COBL: variants seen among roughly 807,000 people sequenced by gnomAD.
The protein encoded by COBL is cordon-bleu WH2 repeat protein, also known as protein cordon-bleu.
COBL carries 51 observed loss-of-function variants against 98.8 expected under a neutral mutation model. The ratio of observed to expected loss-of-function variants is 0.52; its 90% CI spans 0.41 to 0.65. The LOEUF is 0.65. Among genes scored for constraint, COBL ranks in the 30% least tolerant of loss-of-function variants. The pLI is 0.00. For synonymous variants in COBL, 634 were observed against 651.7 expected (o/e 0.97, Z 0.41); for missense variants, 1,617 against 1,617.5 (o/e 1.00, Z 0.01).
intron 2 of COBL, among the ~76,000 whole-genome samples, chr7:51,195,741 A>G (rs1445626598): frequency 6.6e-6 from 1 of 151,998 alleles, no homozygotes; most frequent in Non-Finnish European, 1.5e-5. Flanking sequence ...TAGGTATTTT[A>G]TAATTTTTTT....
chr7:51,188,056 G>C, intron 4 of COBL: 1 of 990,084 alleles, frequency 1.0e-6, no homozygotes, highest in Non-Finnish European at 1.3e-6. Context: ...GAGGGGGGCT[G>C]TCCTGCTGCA....
intron 7 of COBL, among the ~76,000 whole-genome samples, chr7:51,044,225 C>G (rs1789476412): frequency 6.6e-6 from 1 of 152,088 alleles, no homozygotes. Context: ...ACATGTGAGG[C>G]CAGTTTCTGT....
At chr7:51,089,767 A>G (rs1440973124) in intron 6 of COBL, among the ~76,000 whole-genome samples, 1 of 152,186 alleles carries the variant, frequency 6.6e-6, no homozygotes, top group Non-Finnish European at 1.5e-5. Context: ...ACATATCTAT[A>G]GTGAAATAAT....
rs765978718 is a variant in COBL, at chr7:51,083,077, G to T, written c.1096+2089C>A. The T allele has an allele frequency of 2.6e-6, 4 of 1,536,076 alleles. No individual in the cohort carries two copies. In the African/African-American group the frequency reaches 5.5e-5, roughly 21 times the overall value. ...ACATACGTTTGGGTATCGGGTCTGAGGCCTCGGAACCAGCGCCTTCCCCGG... is the reference window on the plus strand; with the variant it reads ...ACATACGTTTGGGTATCGGGTCTGATGCCTCGGAACCAGCGCCTTCCCCGG... On this transcript the variant is annotated intron_variant, in intron 7 of 12. Transcript: ENST00000265136.
At chr7:51,274,993 A>G (rs1300521172) in intron 1 of COBL, among the ~76,000 whole-genome samples, 1 of 152,248 alleles carries the variant, frequency 6.6e-6, no homozygotes, top group Non-Finnish European at 1.5e-5. Context: ...AAATTAAAAT[A>G]CAAATCATCT....
At chr7:51,225,562 T>G (rs1794102062) in intron 1 of COBL, among the ~76,000 whole-genome samples, 1 of 152,238 alleles carries the variant, frequency 6.6e-6, no homozygotes, top group Non-Finnish European at 1.5e-5. Flanking sequence ...AAGCTTCCTT[T>G]GATCTATTCA....
At chr7:51,071,373 T>A (rs1239298454) in intron 7 of COBL, 1 of 152,192 alleles carries the variant, frequency 6.6e-6, no homozygotes, top group Non-Finnish European at 1.5e-5. Flanking sequence ...CTACAAAACT[T>A]GTTCATCAAA....
At chr7:51,083,121 C>T (rs1793836837) in intron 7 of COBL, 1 of 1,532,494 alleles carries the variant, frequency 6.5e-7, no homozygotes, top group South Asian at 1.2e-5. Flanking sequence ...AGAGGCTCCA[C>T]CACGTCTGTG....
chr7:51,205,646 T>TG (rs1791612466), intron 2 of COBL, among the ~76,000 whole-genome samples: 2 of 107,092 alleles, frequency 1.9e-5, no homozygotes, highest in Non-Finnish European at 4.5e-5. Flanking sequence ...TTTGGTTTTT[T>TG]GTTTTTTTTT....
At chr7:51,074,064 G>A (rs924586801) in intron 7 of COBL, among the ~76,000 whole-genome samples, 1 of 152,042 alleles carries the variant, frequency 6.6e-6, no homozygotes, top group Non-Finnish European at 1.5e-5. Context: ...AAATAAAGAA[G>A]GGCCATGCCT....
intron 5 of COBL, among the ~76,000 whole-genome samples, chr7:51,140,688 T>A (rs143247053): frequency 2.0e-5 from 3 of 152,174 alleles, no homozygotes; most frequent in Non-Finnish European, 4.4e-5. Flanking sequence ...GCTATGCAGA[T>A]CTAGCACCAG....
intron 5 of COBL, among the ~76,000 whole-genome samples, chr7:51,180,303 G>A (rs1788810382): frequency 6.6e-6 from 1 of 152,208 alleles, no homozygotes; most frequent in Non-Finnish European, 1.5e-5. Context: ...TTACAAGGTT[G>A]CTGACCTTGC....
intron 1 of COBL, among the ~76,000 whole-genome samples, chr7:51,297,674 T>C (rs1328594735): frequency 6.6e-6 from 1 of 152,162 alleles, no homozygotes; most frequent in Non-Finnish European, 1.5e-5. Flanking sequence ...ATTACAGGCT[T>C]GAGCCACCAT....
chr7:51,301,141 A>G (rs1345099923), intron 1 of COBL, among the ~76,000 whole-genome samples: 1 of 151,532 alleles, frequency 6.6e-6, no homozygotes, highest in African/African-American at 2.4e-5. Context: ...GGCCCCCTCC[A>G]CCGGCTCCCT....
chr7:51,305,090 G>A (rs942674264), intron 1 of COBL, among the ~76,000 whole-genome samples: 5 of 152,176 alleles, frequency 3.3e-5, no homozygotes, highest in African/African-American at 1.2e-4. Flanking sequence ...AGGGACATAA[G>A]CTGAGCCTTG....
At chr7:51,304,628 G>C (rs1802287331) in intron 1 of COBL, among the ~76,000 whole-genome samples, 1 of 152,128 alleles carries the variant, frequency 6.6e-6, no homozygotes, top group Admixed American at 6.5e-5. Context: ...TGTAAAAACA[G>C]GTGTCAGGAC....
rs202203707 is a variant in COBL, at chr7:51,066,083, T to G, written c.1096+19083A>C. Among the ~76,000 whole-genome samples the G allele has an allele frequency of 7.9e-5, 12 of 152,356 alleles. No individual in the cohort carries two copies. The East Asian group carries it at 2.1e-3, about 27-fold the overall frequency. On this transcript the variant is annotated intron_variant, in intron 7 of 12. Coordinates refer to ENST00000265136, the MANE Select transcript of COBL (RefSeq NM_015198.5). ...CAGCCCTAGCAGACTAACATATCAG[T>G]GCACTGTGTTGCTGCGCACTGTGAT... is the stretch of plus-strand genomic sequence containing the variant.
At chr7:51,068,664 A>G (rs1000273018) in intron 7 of COBL, among the ~76,000 whole-genome samples, 3 of 152,190 alleles carry the variant, frequency 2.0e-5, no homozygotes, top group South Asian at 4.1e-4. Flanking sequence ...TTCATGGTGT[A>G]TACAAGAGTC....
At chr7:51,253,653 T>G (rs1197840979) in intron 1 of COBL, among the ~76,000 whole-genome samples, 1 of 152,264 alleles carries the variant, frequency 6.6e-6, no homozygotes, top group Non-Finnish European at 1.5e-5. Context: ...AACATCATTG[T>G]ATTTTATTTT....
Sources: allele counts gnomAD v4.1 joint callset (sites outside exome capture counted in the v4.1 genomes callset), GRCh38; gene constraint gnomAD v4.1.1; transcripts MANE v1.5; gene names NCBI Gene and HGNC (gene_info 2026-07-23, HGNC 2026-07-21).